Variants in GRK7 observed in about 807,000 individuals in gnomAD.
The protein encoded by GRK7 is G protein-coupled receptor kinase 7.
A neutral mutation model predicts 34.1 loss-of-function variants in GRK7; 24 were observed. The ratio of observed to expected loss-of-function variants is 0.70; its 90% CI spans 0.51 to 0.99. GRK7 has a LOEUF of 0.99. GRK7 is among the 50% of genes least tolerant of loss of function. The probability of loss-of-function intolerance (pLI) is 0.00; values close to 1 mark genes in which losing one functional copy is unlikely to be tolerated. For missense variants in GRK7, 644 were observed against 707.3 expected (o/e 0.91, Z 1.02); for synonymous variants, 256 against 279.4 (o/e 0.92, Z 0.84).
intron 4 of GRK7, among the ~76,000 whole-genome samples, chr3:141,788,134 TC>T (rs1201200428): frequency 6.6e-6 from 1 of 152,212 alleles, no homozygotes; most frequent in Non-Finnish European, 1.5e-5. Context: ...GGGTAACTCT[TC>T]CCTGGGTATG....
At position 141,817,626 on chromosome 3, in the gene GRK7, T is replaced by C. The variant is rs549470116; in HGVS notation, c.*576T>C. On this transcript the variant is annotated 3_prime_UTR_variant, in exon 6 of 6. Transcript: ENST00000682958. ...TCTTTTGCAATTTTGTGGAAATAAT[T>C]TACTATCATAATGTTGAAGCATTTT... is the stretch of plus-strand genomic sequence containing the variant. 3.3e-5 allele frequency: 5 copies of C among 152,264 alleles called. No individual in the cohort carries two copies. The highest frequency in any genetic ancestry group is 7.3e-5 in the Non-Finnish European group (5 of 68,058). 9.4% of individuals were successfully genotyped at this position (152,264 alleles called of 1,614,324 possible).
chr3:141,811,840 C>T (rs2107896319), intron 5 of GRK7, among the ~76,000 whole-genome samples: 1 of 152,308 alleles, frequency 6.6e-6, no homozygotes, highest in East Asian at 1.9e-4. Flanking sequence ...CTTTAGACAT[C>T]ACTGAAAAGG....
At position 141,778,196 on chromosome 3, in the gene GRK7, T is replaced by C. The variant is rs565619405; in HGVS notation, c.-89T>C. On this transcript the variant is annotated 5_prime_UTR_variant, in exon 3 of 6. Transcript: ENST00000682958. The surrounding 1 kb of genome is among the most constrained non-coding windows in gnomAD (Gnocchi z 4.1). ...GGCCACAGGACTCACTGTAAATCCC[T>C]TGGACGTTGTCTCACCCGGGAAGGG... 674 of 1,479,864 alleles carry C rather than the reference T, an allele frequency of 4.6e-4. No individual in the cohort carries two copies. Among genetic ancestry groups the C allele is most frequent in the Non-Finnish European group, 5.8e-4 (635 of 1,102,874 alleles). The allele number at this position is 1,479,864 out of a possible 1,614,324, so 91.7% of individuals were successfully genotyped here.
intron 5 of GRK7, among the ~76,000 whole-genome samples, chr3:141,816,248 T>C (rs974662015): frequency 3.3e-5 from 5 of 152,128 alleles, no homozygotes; most frequent in African/African-American, 1.2e-4. Flanking sequence ...GGGAGGTAAG[T>C]GGGGCTTGTA....
rs949959698 is a variant in GRK7, at chr3:141,778,360, G to A, written c.76G>A (p.Asp26Asn). 9.3e-6 allele frequency: 15 copies of A among 1,610,386 alleles called. No homozygotes were observed. Among genetic ancestry groups the A allele is most frequent in the Non-Finnish European group, 1.1e-5 (13 of 1,177,790 alleles). The change falls in exon 3 of 6, where the codon GAC becomes AAC. Residue 26 changes from aspartate to asparagine, a missense_variant. By Grantham distance (23) the Asp-to-Asn change is conservative (BLOSUM62 1). Transcript: ENST00000682958. The surrounding 1 kb of genome is among the most constrained non-coding windows in gnomAD (Gnocchi z 4.1). The stretch of plus-strand genomic sequence containing the variant: ...GCAGGCCCGGAAGCCCTCGGACTGC[G>A]ACAGCAAAGAGCTGCAGCGGCGGCG... Reference protein sequence around the residue: ...YLQARKPSDCDSKELQRRRRS... With the variant: ...YLQARKPSDCNSKELQRRRRS...
intron 1 of GRK7, among the ~76,000 whole-genome samples, chr3:141,768,131 G>C (rs1349694343): frequency 6.6e-6 from 1 of 152,152 alleles, no homozygotes; most frequent in Non-Finnish European, 1.5e-5. Flanking sequence ...CGGTTATCAT[G>C]GTAAATGGGG....
At chr3:141,762,351 C>G (rs1185219164), upstream of GRK7, among the ~76,000 whole-genome samples, 63 of 148,212 alleles carry the variant, frequency 4.3e-4, 1 homozygote, top group Admixed American at 2.2e-3. Context: ...CCCTCAGCTG[C>G]AGGTCTGTTG....
rs1399000724 is a variant in GRK7 at position 141,764,996 on chromosome 3, TTTCTGTTTTAACCCTTGCCCC to T, written c.-950_-930del. 3.3e-5 allele frequency among the ~76,000 whole-genome samples: 5 copies of T among 151,570 alleles called. No homozygotes were observed. The highest frequency in any genetic ancestry group is 1.2e-4 in the African/African-American group (5 of 41,130). ...TACTGCAGCAGCCTCCAGACTGGTT[TTTCTGTTTTAACCCTTGCCCC>T]TTCTGTCTGTGATCCTGTTAAAATG... On this transcript the variant is annotated 5_prime_UTR_variant, in exon 1 of 6. Coordinates refer to ENST00000682958, the MANE Select transcript of GRK7 (RefSeq NM_139209.3).
rs1428522532 is a variant in GRK7 at position 141,778,209 on chromosome 3, C to T, written c.-76C>T. On this transcript the variant is annotated 5_prime_UTR_variant, in exon 3 of 6. Coordinates refer to ENST00000682958, the MANE Select transcript of GRK7 (RefSeq NM_139209.3). This position sits in a 1 kb window ranked among gnomAD's most constrained non-coding sequence, Gnocchi z 4.1. ...ACTGTAAATCCCTTGGACGTTGTCT[C>T]ACCCGGGAAGGGAAAGCAGCCAGCA... 19 of 1,501,708 alleles carry T rather than the reference C, an allele frequency of 1.3e-5. No individual in the cohort carries two copies. Among genetic ancestry groups the T allele is most frequent in the Non-Finnish European group, 1.7e-5 (19 of 1,122,090 alleles). 93.0% of individuals were successfully genotyped at this position (1,501,708 alleles called of 1,614,324 possible).
the GRK7 span, among the ~76,000 whole-genome samples, chr3:141,756,689 G>T: frequency 6.6e-6 from 1 of 151,994 alleles, no homozygotes. Context: ...AGAAAGAGAT[G>T]GCTATTATTA....
intron 4 of GRK7, among the ~76,000 whole-genome samples, chr3:141,804,427 A>T (rs1340267772): frequency 3.3e-5 from 5 of 152,160 alleles, no homozygotes; most frequent in Admixed American, 2.0e-4. Context: ...TCAATACCTT[A>T]CACTTTTTCT....
intron 2 of GRK7, among the ~76,000 whole-genome samples, chr3:141,775,325 T>G (rs537221464): frequency 6.6e-6 from 1 of 151,970 alleles, no homozygotes; most frequent in African/African-American, 2.4e-5. Context: ...AGGCAGAGGT[T>G]GCAGTGAGCT....
intron 5 of GRK7, among the ~76,000 whole-genome samples, chr3:141,808,377 A>C (rs1711057935): frequency 6.6e-6 from 1 of 152,172 alleles, no homozygotes; most frequent in Non-Finnish European, 1.5e-5. Context: ...ATATTACATG[A>C]TTCCACTTAT....
At chr3:141,780,274 A>G (rs1037751620) in intron 3 of GRK7, 100 bp from the exon 4 acceptor site, 25 of 993,152 alleles carry the variant, frequency 2.5e-5, no homozygotes, top group South Asian at 1.7e-4. Context: ...CCTTTCTCCA[A>G]TGCCTAACAT....
chr3:141,816,018 G>A (rs975305502), intron 5 of GRK7, among the ~76,000 whole-genome samples: 10 of 152,006 alleles, frequency 6.6e-5, no homozygotes, highest in African/African-American at 2.4e-4. Flanking sequence ...TAAATTTTGG[G>A]GCAATTTGTT....
Position 141,790,724 on chromosome 3 carries a change from C to T in GRK7, c.1050+9913C>T, listed in dbSNP as rs535923951. ...CATTATAGGCACCCACCACCACACTCGGCTAATTTGTGTATTTTTAGTAGA... is the reference window on the plus strand; with the variant it reads ...CATTATAGGCACCCACCACCACACTTGGCTAATTTGTGTATTTTTAGTAGA... On this transcript the variant is annotated intron_variant, in intron 4 of 5. Transcript: ENST00000682958. Among the ~76,000 whole-genome samples the T allele has an allele frequency of 5.3e-5, 8 of 152,276 alleles. No individual in the cohort carries two copies. The South Asian group carries it at 1.0e-3, about 20-fold the overall frequency.
rs200073302 is a variant in GRK7, at chr3:141,816,959, C to T, written c.1571C>T (p.Thr524Met). The T allele has an allele frequency of 3.6e-4, 581 of 1,614,020 alleles. 2 individuals carry two copies. In the South Asian group the frequency reaches 5.0e-3, roughly 14 times the overall value. The change falls in exon 6 of 6, where the codon ACG becomes ATG. Residue 524 changes from threonine to methionine, a missense_variant. Physicochemically the swap from Thr to Met is moderately conservative, Grantham distance 81 (BLOSUM62 -1). Coordinates refer to ENST00000682958, the MANE Select transcript of GRK7 (RefSeq NM_139209.3). Reference protein sequence around the residue: ...PIAWQEEIIETGLFEELNDPN... With the variant: ...PIAWQEEIIEMGLFEELNDPN... The stretch of plus-strand genomic sequence containing the variant: ...GCATGGCAGGAAGAAATTATAGAAA[C>T]GGGACTGTTTGAGGAACTGAATGAC...
intron 4 of GRK7, among the ~76,000 whole-genome samples, chr3:141,803,825 G>A (rs1483441626): frequency 6.6e-6 from 1 of 152,084 alleles, no homozygotes; most frequent in East Asian, 1.9e-4. Context: ...AGGTTCAAGC[G>A]ATTCTCCTGT....
intron 4 of GRK7, among the ~76,000 whole-genome samples, chr3:141,798,857 C>G (rs183842498): frequency 6.6e-6 from 1 of 152,360 alleles, no homozygotes; most frequent in East Asian, 1.9e-4. Flanking sequence ...CCCTTCAAAG[C>G]TCCATGGCTG....
Sources: allele counts gnomAD v4.1 joint callset (sites outside exome capture counted in the v4.1 genomes callset), GRCh38; gene constraint gnomAD v4.1.1; non-coding constraint Gnocchi (gnomAD v3.1); transcripts MANE v1.5; gene names NCBI Gene and HGNC (gene_info 2026-07-23, HGNC 2026-07-21).